Variants in SLC4A10 observed in about 807,000 individuals in gnomAD.
SLC4A10 encodes solute carrier family 4 member 10, also known as sodium-driven chloride bicarbonate exchanger.
SLC4A10 carries 42 observed loss-of-function variants against 137.7 expected under a neutral mutation model. The ratio of observed to expected loss-of-function variants is 0.30; its 90% confidence interval spans 0.24 to 0.39. The LOEUF (loss-of-function observed/expected upper bound fraction) is 0.39. Ranked by LOEUF, SLC4A10 falls within the 10% of genes least tolerant of loss-of-function variation. The probability of loss-of-function intolerance (pLI) is 1.00; values close to 1 mark genes in which losing one functional copy is unlikely to be tolerated. For missense variants in SLC4A10, 925 were observed against 1,355.0 expected (o/e 0.68, Z 4.98); for synonymous variants, 474 against 464.1 (o/e 1.02, Z -0.27).
At chr2:161,743,647 G>A (rs1472600950) in intron 1 of SLC4A10, among the ~76,000 whole-genome samples, 5 of 151,660 alleles carry the variant, frequency 3.3e-5, no homozygotes, top group African/African-American at 1.2e-4. Context: ...ATACATTTTT[G>A]GATTTTTTTT....
intron 3 of SLC4A10, among the ~76,000 whole-genome samples, chr2:161,821,030 A>G (rs893086930): frequency 1.3e-5 from 2 of 152,200 alleles, no homozygotes; most frequent in African/African-American, 4.8e-5. Flanking sequence ...TTTCTTGATT[A>G]CCAATGAAAT....
intron 1 of SLC4A10, among the ~76,000 whole-genome samples, chr2:161,647,870 T>C (rs1361343067): frequency 6.6e-6 from 1 of 152,226 alleles, no homozygotes; most frequent in Non-Finnish European, 1.5e-5. Flanking sequence ...AGGTCCAGTC[T>C]CAATGACCAC....
intron 3 of SLC4A10, among the ~76,000 whole-genome samples, chr2:161,830,733 A>G (rs2058382105): frequency 1.3e-5 from 2 of 152,172 alleles, no homozygotes; most frequent in Non-Finnish European, 2.9e-5. Context: ...TAAACCTTTG[A>G]TATTTACTGA....
intron 15 of SLC4A10, among the ~76,000 whole-genome samples, chr2:161,909,209 G>A (rs1373801019): frequency 6.6e-6 from 1 of 151,492 alleles, no homozygotes; most frequent in East Asian, 1.9e-4. Context: ...TTGTGTACAT[G>A]TACCCTAAAA....
intron 18 of SLC4A10, 62 bp from the exon 19 acceptor site, chr2:161,950,625 C>T: frequency 1.3e-6 from 2 of 1,504,096 alleles, no homozygotes; most frequent in Non-Finnish European, 1.8e-6. Flanking sequence ...TCTGTAAGAC[C>T]TAATTTGATC....
intron 21 of SLC4A10, among the ~76,000 whole-genome samples, chr2:161,959,429 T>C (rs1696232713): frequency 6.6e-6 from 1 of 152,216 alleles, no homozygotes; most frequent in South Asian, 2.1e-4. Flanking sequence ...TCTGAAGGTT[T>C]GATAGTGCTG....
At chr2:161,823,885 T>C (rs9636282) in intron 3 of SLC4A10, among the ~76,000 whole-genome samples, 1 of 152,180 alleles carries the variant, frequency 6.6e-6, no homozygotes, top group East Asian at 1.9e-4. Context: ...TTTTTGGCAA[T>C]TGCCGCTAGG....
chr2:161,834,660 TACACAC>T (rs72327926), intron 3 of SLC4A10, among the ~76,000 whole-genome samples: 1,890 of 141,000 alleles, frequency 0.013, 24 homozygotes, highest in African/African-American at 0.042. Flanking sequence ...CTTTATCGCC[TACACAC>T]ACACACACAC....
rs144525739 is a variant in SLC4A10, at chr2:161,982,483, G to T, written c.*27-696G>T. Among the ~76,000 whole-genome samples, 188 of 152,266 alleles carry T rather than the reference G, an allele frequency of 1.2e-3. 1 individual carries two copies. The highest frequency in any genetic ancestry group is 4.3e-3 in the African/African-American group (178 of 41,560). ...ACTCATTGGTAAAGTTAATGAGAGG[G>T]TGAGATTAAACAGAAATTGGTAAAG... On this transcript the variant is annotated intron_variant, in intron 26 of 26. Transcript: ENST00000446997.
chr2:161,833,993 G>T (rs2058602003), intron 3 of SLC4A10, among the ~76,000 whole-genome samples: 1 of 152,170 alleles, frequency 6.6e-6, no homozygotes, highest in Non-Finnish European at 1.5e-5. Flanking sequence ...AGATGAAAGG[G>T]TTAAGATTTT....
At chr2:161,725,806 C>T (rs987772126) in intron 1 of SLC4A10, among the ~76,000 whole-genome samples, 2 of 152,134 alleles carry the variant, frequency 1.3e-5, no homozygotes, top group African/African-American at 4.8e-5. Context: ...TCTGGAATAC[C>T]CTATTCACCC....
At chr2:161,725,133 A>G (rs2046081733) in intron 1 of SLC4A10, among the ~76,000 whole-genome samples, 1 of 152,166 alleles carries the variant, frequency 6.6e-6, no homozygotes, top group African/African-American at 2.4e-5. Flanking sequence ...AGGAATTCAT[A>G]TTGGCTGAGG....
At chr2:161,626,078 AG>A (rs969949574) in intron 1 of SLC4A10, among the ~76,000 whole-genome samples, 1 of 152,174 alleles carries the variant, frequency 6.6e-6, no homozygotes, top group African/African-American at 2.4e-5. Flanking sequence ...TAAGAATACC[AG>A]GGAACTCTTC....
intron 1 of SLC4A10, among the ~76,000 whole-genome samples, chr2:161,679,889 C>T (rs1198853726): frequency 6.6e-6 from 1 of 151,942 alleles, no homozygotes; most frequent in Non-Finnish European, 1.5e-5. Flanking sequence ...CAAAATCAAA[C>T]TCTTCAGCCT....
At chr2:161,637,137 G>A (rs192207277) in intron 1 of SLC4A10, among the ~76,000 whole-genome samples, 5 of 138,536 alleles carry the variant, frequency 3.6e-5, no homozygotes, top group South Asian at 2.3e-4. Context: ...ACATAAATAC[G>A]TATTTATGTA....
intron 1 of SLC4A10, among the ~76,000 whole-genome samples, chr2:161,709,198 A>G (rs2044024141): frequency 6.6e-6 from 1 of 151,584 alleles, no homozygotes; most frequent in African/African-American, 2.4e-5. Flanking sequence ...AATAGTATAA[A>G]TCGATCAAAC....
At chr2:161,973,994 TG>T (rs1698981915) in intron 23 of SLC4A10, among the ~76,000 whole-genome samples, 2 of 152,232 alleles carry the variant, frequency 1.3e-5, no homozygotes, top group Admixed American at 6.5e-5. Context: ...GAAATTAACA[TG>T]TTTTTTATTG....
intron 2 of SLC4A10, among the ~76,000 whole-genome samples, chr2:161,794,835 A>G (rs1011454266): frequency 3.3e-5 from 5 of 152,084 alleles, no homozygotes; most frequent in Non-Finnish European, 7.4e-5. Context: ...GTTTTCCCTG[A>G]ACATAAAGTT....
chr2:161,762,405 C>T (rs968202867), intron 1 of SLC4A10, among the ~76,000 whole-genome samples: 3 of 152,004 alleles, frequency 2.0e-5, no homozygotes, highest in African/African-American at 7.2e-5. Flanking sequence ...CAGCAGTCTC[C>T]GAGCTGATAC....
Sources: gnomAD v4.1 joint callset for allele counts (sites outside exome capture counted in the v4.1 genomes callset) on GRCh38, gnomAD v4.1.1 for gene constraint, MANE v1.5 for transcripts, NCBI Gene and HGNC (gene_info 2026-07-23, HGNC 2026-07-21) for gene names.